The following MAGI2 variants were observed in gnomAD, a reference collection of about 807,000 sequenced individuals.
The protein encoded by MAGI2 is membrane-associated guanylate kinase, WW and PDZ domain-containing protein 2.
MAGI2 carries 35 observed loss-of-function variants against 133.3 expected under a neutral mutation model. The ratio of observed to expected loss-of-function variants is 0.26; its 90% CI spans 0.20 to 0.35. The LOEUF is 0.35. Among genes scored for constraint, MAGI2 ranks in the 10% least tolerant of loss-of-function variants. MAGI2 has a pLI of 1.00. For synonymous variants in MAGI2, 729 were observed against 710.6 expected (o/e 1.03, Z -0.41); for missense variants, 1,636 against 1,863.4 (o/e 0.88, Z 2.25).
chr7:79,144,933 G>T (rs1456377787), intron 1 of MAGI2, among the ~76,000 whole-genome samples: 1 of 152,140 alleles, frequency 6.6e-6, no homozygotes, highest in Non-Finnish European at 1.5e-5. Flanking sequence ...GAAATGTGCT[G>T]CTGCTCCAAC....
chr7:78,754,429 A>T (rs1352733707), intron 2 of MAGI2, among the ~76,000 whole-genome samples: 2 of 152,116 alleles, frequency 1.3e-5, no homozygotes, highest in Non-Finnish European at 2.9e-5. Context: ...TTAGTAACAA[A>T]ACAGTTATTA....
chr7:78,290,996 A>C (rs1237305598), intron 9 of MAGI2, among the ~76,000 whole-genome samples: 1 of 152,238 alleles, frequency 6.6e-6, no homozygotes, highest in African/African-American at 2.4e-5. Context: ...AAAGATCTAA[A>C]ATTGACACCC....
intron 2 of MAGI2, among the ~76,000 whole-genome samples, chr7:78,657,495 T>C (rs1175070672): frequency 2.0e-5 from 3 of 152,084 alleles, no homozygotes; most frequent in Non-Finnish European, 4.4e-5. Flanking sequence ...TAAAAAGAAA[T>C]GAGCTGTCTG....
chr7:79,107,025 A>AT (rs1818505973), intron 1 of MAGI2, among the ~76,000 whole-genome samples: 1 of 152,222 alleles, frequency 6.6e-6, no homozygotes, highest in Non-Finnish European at 1.5e-5. Flanking sequence ...AAAGAGATTA[A>AT]TGTCCTGATT....
chr7:79,058,438 T>C (rs1181500351), intron 1 of MAGI2, among the ~76,000 whole-genome samples: 2 of 152,074 alleles, frequency 1.3e-5, no homozygotes, highest in Admixed American at 1.3e-4. Flanking sequence ...AGAACATAGA[T>C]AGTAAGAGCT....
chr7:78,907,750 T>G (rs1798090891), intron 2 of MAGI2, among the ~76,000 whole-genome samples: 1 of 152,152 alleles, frequency 6.6e-6, no homozygotes, highest in African/African-American at 2.4e-5. Context: ...GCCTCTATTT[T>G]TCCCCAAATT....
chr7:78,775,852 A>G (rs559938831), intron 2 of MAGI2, among the ~76,000 whole-genome samples: 1 of 152,314 alleles, frequency 6.6e-6, no homozygotes, highest in East Asian at 1.9e-4. Context: ...TTAACACTGT[A>G]TTGTATCTTA....
At chr7:78,061,183 C>CT (rs34252731) in intron 21 of MAGI2, among the ~76,000 whole-genome samples, 61,972 of 138,868 alleles carry the variant, frequency 0.45, 13,509 homozygotes, top group East Asian at 0.52. Flanking sequence ...AAAAGGTTTT[C>CT]TTTTTTTTTT....
chr7:78,130,728 A>T (rs779235349), intron 18 of MAGI2, among the ~76,000 whole-genome samples: 30 of 152,336 alleles, frequency 2.0e-4, no homozygotes, highest in Middle Eastern at 3.4e-3. Flanking sequence ...TCTTAGAGGC[A>T]ATGTAGTAGT....
intron 3 of MAGI2, among the ~76,000 whole-genome samples, chr7:78,595,557 T>C (rs1000688257): frequency 6.6e-6 from 1 of 151,642 alleles, no homozygotes; most frequent in East Asian, 1.9e-4. Context: ...ACCTAGAATA[T>C]AAGAATTCGT....
At chr7:79,404,249 C>A (rs1039362979) in intron 1 of MAGI2, among the ~76,000 whole-genome samples, 1 of 152,058 alleles carries the variant, frequency 6.6e-6, no homozygotes, top group African/African-American at 2.4e-5. Context: ...TTGATCAAGG[C>A]AAATAGTAAA....
chr7:78,598,628 C>A (rs1174775271), intron 3 of MAGI2, among the ~76,000 whole-genome samples: 1 of 152,040 alleles, frequency 6.6e-6, no homozygotes, highest in Non-Finnish European at 1.5e-5. Flanking sequence ...TGGGTGATAG[C>A]ATGGAGAATG....
At chr7:79,164,042 C>T (rs138461610) in intron 1 of MAGI2, among the ~76,000 whole-genome samples, 12 of 152,106 alleles carry the variant, frequency 7.9e-5, no homozygotes, top group East Asian at 5.8e-4. Context: ...CTGTTTAAAA[C>T]GATTACCATC....
At chr7:78,745,282 A>G (rs1430856387) in intron 2 of MAGI2, among the ~76,000 whole-genome samples, 4 of 152,208 alleles carry the variant, frequency 2.6e-5, no homozygotes, top group African/African-American at 9.6e-5. Context: ...GGTAGAGCTC[A>G]GATTTGAACC....
At chr7:78,780,079 C>A (rs549058816) in intron 2 of MAGI2, among the ~76,000 whole-genome samples, 22 of 152,356 alleles carry the variant, frequency 1.4e-4, no homozygotes, top group South Asian at 1.0e-3. Context: ...TGTGAACAGT[C>A]CGCAACAGTC....
At chr7:78,983,704 G>C (rs1804988093) in intron 2 of MAGI2, among the ~76,000 whole-genome samples, 1 of 151,848 alleles carries the variant, frequency 6.6e-6, no homozygotes, top group African/African-American at 2.4e-5. Flanking sequence ...AGCAATATTT[G>C]TCACTGATTA....
intron 2 of MAGI2, among the ~76,000 whole-genome samples, chr7:78,826,305 G>C (rs1276444470): frequency 7.0e-6 from 1 of 142,808 alleles, no homozygotes; most frequent in Non-Finnish European, 1.5e-5. Flanking sequence ...AGTAAGCCGA[G>C]ATCGCGCCAC....
rs145687514 is a variant in MAGI2 at position 78,963,890 on chromosome 7, C to T, written c.418+43200G>A. 5.5e-3 allele frequency among the ~76,000 whole-genome samples: 831 copies of T among 152,016 alleles called. 6 individuals are homozygous for T. The highest frequency in any genetic ancestry group is 0.019 in the African/African-American group (787 of 41,496). On this transcript the variant is annotated intron_variant, in intron 2 of 21. Transcript: ENST00000354212. The stretch of plus-strand genomic sequence containing the variant: ...TACATTAATAAAATGTGGTGATTTT[C>T]GAACTCAGGGTTTTTTAATTTTGGT...
At chr7:79,125,630 G>A (rs1358612147) in intron 1 of MAGI2, 1 of 518,808 alleles carries the variant, frequency 1.9e-6, no homozygotes, top group Admixed American at 2.1e-5. Flanking sequence ...GGAGGTAGTG[G>A]AACTATGATA....
Sources: gnomAD v4.1 joint callset for allele counts (sites outside exome capture counted in the v4.1 genomes callset) on GRCh38, gnomAD v4.1.1 for gene constraint, MANE v1.5 for transcripts, NCBI Gene and HGNC (gene_info 2026-07-23, HGNC 2026-07-21) for gene names.